Variants in CHD6 observed in about 807,000 individuals in gnomAD.
The protein encoded by CHD6 is ATP-dependent chromatin remodeler CHD6.
CHD6 carries 50 observed loss-of-function variants against 276.9 expected under a neutral mutation model. The ratio of observed to expected loss-of-function variants is 0.18; its 90% CI spans 0.14 to 0.23. The LOEUF (loss-of-function observed/expected upper bound fraction) is 0.23, where lower values mean the gene tolerates loss of function less well. CHD6 is among the 10% of genes least tolerant of loss of function. The probability of loss-of-function intolerance (pLI) is 1.00; values close to 1 mark genes in which losing one functional copy is unlikely to be tolerated. For missense variants in CHD6, 2,564 were observed against 3,365.8 expected (o/e 0.76, Z 5.89); for synonymous variants, 1,173 against 1,229.3 (o/e 0.95, Z 0.96).
chr20:41,570,704 T>C lies in CHD6; in HGVS notation c.-23-19344A>G, dbSNP rs186646947. Reference sequence around the variant, plus strand: ...GAAAGCACAAAACAACCTCATATGCTGTATACTGGGAGATATCAAGCTCTG... The same window carrying C: ...GAAAGCACAAAACAACCTCATATGCCGTATACTGGGAGATATCAAGCTCTG... On this transcript the variant is annotated intron_variant, in intron 1 of 36. Transcript: ENST00000373233. 1.4e-3 allele frequency among the ~76,000 whole-genome samples: 218 copies of C among 152,340 alleles called. 1 individual carries two copies. The highest frequency in any genetic ancestry group is 4.1e-3 in the Admixed American group (63 of 15,304).
intron 27 of CHD6, among the ~76,000 whole-genome samples, chr20:41,436,465 A>G (rs1297495047): frequency 6.6e-6 from 1 of 152,206 alleles, no homozygotes; most frequent in African/African-American, 2.4e-5. Context: ...GCAATTTCTT[A>G]AAAAACACAA....
At chr20:41,583,495 C>T (rs575542045) in intron 1 of CHD6, among the ~76,000 whole-genome samples, 3 of 152,042 alleles carry the variant, frequency 2.0e-5, no homozygotes, top group African/African-American at 4.8e-5. Context: ...AATTCAATGT[C>T]GGCATACCTG....
intron 27 of CHD6, among the ~76,000 whole-genome samples, chr20:41,435,835 A>G (rs1390596904): frequency 3.3e-5 from 5 of 152,098 alleles, no homozygotes; most frequent in Admixed American, 3.3e-4. Flanking sequence ...AGTGGGAGGT[A>G]TCTATCTATC....
At chr20:41,540,735 T>C (rs908208784) in intron 2 of CHD6, among the ~76,000 whole-genome samples, 8 of 152,152 alleles carry the variant, frequency 5.3e-5, no homozygotes, top group Non-Finnish European at 1.0e-4. Context: ...GTCTTCTATC[T>C]TCTCCAGCAG....
At chr20:41,489,671 C>G (rs1054731427) in intron 12 of CHD6, 107 bp downstream of exon 12, 7 of 1,409,142 alleles carry the variant, frequency 5.0e-6, no homozygotes, top group Non-Finnish European at 9.9e-7. Flanking sequence ...CAAAGTCATT[C>G]CACATTAATA....
Position 41,483,334 on chromosome 20 carries a change from G to C in CHD6, c.2443C>G (p.Leu815Val). Residue 815 changes from leucine to valine, a missense_variant, in exon 16 of 37, where the codon CTA becomes GTA. By Grantham distance (32) the Leu-to-Val change is conservative (BLOSUM62 1). Around this residue, in one of 7 missense-constraint regions of CHD6, gnomAD observed 457 missense variants for 889.0 expected, o/e 0.51. Transcript: ENST00000373233. ...FSQMVRCLDI[L>V]EDYLIQRRYT... is the part of the protein sequence containing the mutation. ...CTTCTCTGGATGAGGTAATCTTCTA[G>C]GATGTCGAGGCAGCGCACCATCTGG... 6.2e-7 allele frequency: 1 copy of C among 1,613,454 alleles called. No individual in the cohort carries two copies. The highest frequency in any genetic ancestry group is 8.5e-7 in the Non-Finnish European group (1 of 1,179,648).
At position 41,484,421 on chromosome 20, in the gene CHD6, T is replaced by G. The variant is rs1260134433; in HGVS notation, c.2188A>C (p.Asn730His). ...ATGGTGTTGATGAGATTGGGCATGT[T>G]GTGCTGATTTGCCCCCTTGGTCAGG... Reference protein sequence around the residue: ...SFLTKGANQHNMPNLINTMME... With the variant: ...SFLTKGANQHHMPNLINTMME... Residue 730 changes from asparagine to histidine, a missense_variant, in exon 15 of 37, where the codon AAC (asparagine) becomes CAC (histidine). By Grantham distance (68) the Asn-to-His change is moderately conservative (BLOSUM62 1). Around this residue, in one of 7 missense-constraint regions of CHD6, gnomAD observed 457 missense variants for 889.0 expected, o/e 0.51. Transcript: ENST00000373233. 1 of 1,613,934 alleles carries G rather than the reference T, an allele frequency of 6.2e-7. No homozygotes were observed. The highest frequency in any genetic ancestry group is 2.2e-5 in the East Asian group (1 of 44,866).
chr20:41,531,212 T>C (rs2044676522), intron 3 of CHD6, among the ~76,000 whole-genome samples: 1 of 152,158 alleles, frequency 6.6e-6, no homozygotes, highest in Non-Finnish European at 1.5e-5. Flanking sequence ...AGTGGCTAAG[T>C]GGGCTCAGAC....
At chr20:41,500,591 G>A (rs1180729033) in intron 5 of CHD6, among the ~76,000 whole-genome samples, 2 of 152,070 alleles carry the variant, frequency 1.3e-5, no homozygotes, top group African/African-American at 2.4e-5. Context: ...TAGAAGAAAG[G>A]GGTGTGAATA....
chr20:41,430,088 G>GC (rs929449136), intron 27 of CHD6, among the ~76,000 whole-genome samples: 2 of 152,232 alleles, frequency 1.3e-5, no homozygotes, highest in African/African-American at 4.8e-5. Flanking sequence ...CAAGCGTGAA[G>GC]CAGGGTGGGC....
At chr20:41,466,905 G>T (rs2042933379) in intron 17 of CHD6, among the ~76,000 whole-genome samples, 1 of 152,206 alleles carries the variant, frequency 6.6e-6, no homozygotes, top group Admixed American at 6.5e-5. Context: ...ACCTCCTGAA[G>T]ATATGTGCCA....
intron 20 of CHD6, among the ~76,000 whole-genome samples, chr20:41,453,507 T>C (rs2048302852): frequency 6.6e-6 from 1 of 152,164 alleles, no homozygotes; most frequent in African/African-American, 2.4e-5. Context: ...CTATGTGTCT[T>C]CTCTAGTCTC....
At chr20:41,555,081 G>C (rs1462189566) in intron 1 of CHD6, among the ~76,000 whole-genome samples, 22 of 145,344 alleles carry the variant, frequency 1.5e-4, no homozygotes, top group Non-Finnish European at 1.5e-4. Flanking sequence ...CCTCCCTCCT[G>C]GACGGGGCGG....
At chr20:41,498,118 G>A (rs762637826) in intron 7 of CHD6, 50 bp downstream of exon 7, 18 of 1,296,824 alleles carry the variant, frequency 1.4e-5, no homozygotes, top group Non-Finnish European at 1.8e-5. Context: ...GAGAAAAAAA[G>A]TTTTATTCAT....
At chr20:41,497,021 TTTTG>T (rs2043703423) in intron 8 of CHD6, 1 of 183,888 alleles carries the variant, frequency 5.4e-6, no homozygotes, top group South Asian at 1.3e-4. Flanking sequence ...TTTAGATTTG[TTTTG>T]TTTTTTACAT....
Position 41,434,249 on chromosome 20 carries a change from A to C in CHD6, c.4068+3025T>G, listed in dbSNP as rs773816075. 5.1e-4 allele frequency among the ~76,000 whole-genome samples: 77 copies of C among 152,360 alleles called. 1 individual carries two copies. The highest frequency in any genetic ancestry group is 2.9e-3 in the Admixed American group (45 of 15,310). On this transcript the variant is annotated intron_variant, in intron 27 of 36. Coordinates refer to ENST00000373233, the MANE Select transcript of CHD6 (RefSeq NM_032221.5). ...AGTTATATTTATGCAAACATTAATC[A>C]AGGGAAAGTAGCCATATTAATTTAT...
intron 1 of CHD6, among the ~76,000 whole-genome samples, chr20:41,554,720 TC>T (rs1260923979): frequency 3.3e-5 from 5 of 151,596 alleles, no homozygotes; most frequent in African/African-American, 7.3e-5. Context: ...AGGTCACAGA[TC>T]AACAGGATAA....
At chr20:41,460,768 G>A (rs938206974) in intron 17 of CHD6, among the ~76,000 whole-genome samples, 1 of 152,266 alleles carries the variant, frequency 6.6e-6, no homozygotes, top group Non-Finnish European at 1.5e-5. Flanking sequence ...GAAGGGAAAT[G>A]TGGGGTCGGA....
In CHD6 at chr20:41,445,778, G is replaced by A. The variant is rs371886461; in HGVS notation, c.3774-10C>T. ...AGGTACATCCAGCTCCCTAGGGAAG[G>A]AAGGGTGTAGACTCAAAACAACACA... On this transcript the variant is annotated splice_polypyrimidine_tract_variant and intron_variant, in intron 24 of 36. Coordinates refer to ENST00000373233, the MANE Select transcript of CHD6 (RefSeq NM_032221.5). The A allele has an allele frequency of 2.9e-5, 46 of 1,571,578 alleles. No homozygotes were observed. The highest frequency in any genetic ancestry group is 1.9e-4 in the African/African-American group (14 of 74,090).
Sources: gnomAD v4.1 joint callset for allele counts (sites outside exome capture counted in the v4.1 genomes callset) on GRCh38, gnomAD v4.1.1 for gene constraint, gnomAD v4.1.1 regional missense constraint, MANE v1.5 for transcripts, NCBI Gene and HGNC (gene_info 2026-07-23, HGNC 2026-07-21) for gene names.